EVI5: variants seen among roughly 807,000 people sequenced by gnomAD.
EVI5 encodes ecotropic viral integration site 5, also known as ecotropic viral integration site 5 protein homolog.
Under a neutral mutation model 112.0 loss-of-function variants are expected in EVI5, and 73 were observed. The observed-to-expected ratio is 0.65, with a 90% CI of 0.54 to 0.79. The LOEUF (loss-of-function observed/expected upper bound fraction) is 0.79, where lower values mean the gene tolerates loss of function less well. EVI5 is among the 30% of genes least tolerant of loss of function. The pLI is 0.00. For missense variants in EVI5, 900 were observed against 968.8 expected (o/e 0.93, Z 0.94); for synonymous variants, 305 against 319.9 (o/e 0.95, Z 0.50).
chr1:92,627,854 ATC>A (rs1444810578), intron 14 of EVI5, among the ~76,000 whole-genome samples: 1 of 152,006 alleles, frequency 6.6e-6, no homozygotes, highest in Non-Finnish European at 1.5e-5. Context: ...CAATGGCACA[ATC>A]TCGGCTCACT....
chr1:92,699,466 T>G (rs1306453334), intron 5 of EVI5, among the ~76,000 whole-genome samples: 1 of 152,202 alleles, frequency 6.6e-6, no homozygotes, highest in African/African-American at 2.4e-5. Context: ...CCCCTAAGAA[T>G]ATTTCAACAC....
chr1:92,520,409 C>T (rs1660708441), intron 19 of EVI5, among the ~76,000 whole-genome samples: 1 of 152,012 alleles, frequency 6.6e-6, no homozygotes, highest in Admixed American at 6.6e-5. Context: ...TAAATGTAAA[C>T]TAATGATGTA....
intron 13 of EVI5, among the ~76,000 whole-genome samples, chr1:92,660,695 T>G (rs192331392): frequency 1.3e-5 from 2 of 152,082 alleles, no homozygotes; most frequent in South Asian, 2.1e-4. Context: ...TGAATAGATA[T>G]GCTAAGTGAA....
At chr1:92,572,797 A>G (rs1248925496) in intron 18 of EVI5, among the ~76,000 whole-genome samples, 2 of 152,066 alleles carry the variant, frequency 1.3e-5, no homozygotes, top group African/African-American at 4.8e-5. Context: ...ATTATAGAGT[A>G]CAGCTTCTTA....
At chr1:92,517,884 GCTTT>G (rs1660183408) in intron 19 of EVI5, among the ~76,000 whole-genome samples, 1 of 132,452 alleles carries the variant, frequency 7.5e-6, no homozygotes, top group African/African-American at 2.9e-5. Context: ...AATATTATAT[GCTTT>G]TTTTTTTTTT....
At chr1:92,616,815 C>T (rs34231012) in intron 16 of EVI5, among the ~76,000 whole-genome samples, 29,918 of 152,038 alleles carry the variant, frequency 0.2, 3,500 homozygotes, top group Non-Finnish European at 0.26. Context: ...AGTCACCACG[C>T]GACCTGAACT....
At chr1:92,784,435 G>C (rs573927095) in intron 1 of EVI5, 3 of 985,234 alleles carry the variant, frequency 3.0e-6, no homozygotes, top group Admixed American at 6.1e-5. Context: ...TGCAAGTCAG[G>C]GGGGCGAGTG....
intron 18 of EVI5, among the ~76,000 whole-genome samples, chr1:92,566,777 T>TA (rs1329934158): frequency 6.7e-6 from 1 of 150,242 alleles, no homozygotes; most frequent in African/African-American, 2.4e-5. Context: ...TGACCCTATG[T>TA]AAGCAGAGAA....
rs1659135052 is a variant in EVI5 at position 92,510,678 on chromosome 1, G to A, written c.*2978C>T. 6.6e-6 allele frequency: 1 copy of A among 152,218 alleles called. No individual in the cohort carries two copies. Among genetic ancestry groups the A allele is most frequent in the African/African-American group, 2.4e-5 (1 of 41,464 alleles). The allele number at this position is 152,218 out of a possible 1,614,324, so 9.4% of individuals were successfully genotyped here. ...CTTGCAATGACTCAACTCTGCTACT[G>A]TAGCACAAAGCGGCCATACACAATA... On this transcript the variant is annotated 3_prime_UTR_variant, in exon 20 of 20. Transcript: ENST00000684568.
chr1:92,709,629 C>T (rs1672532696), intron 2 of EVI5, among the ~76,000 whole-genome samples: 1 of 152,084 alleles, frequency 6.6e-6, no homozygotes, highest in Non-Finnish European at 1.5e-5. Flanking sequence ...ATGAAGAAGT[C>T]TTTCTCTGTG....
At chr1:92,732,062 G>A (rs1676571383) in intron 2 of EVI5, 1 of 157,018 alleles carries the variant, frequency 6.4e-6, no homozygotes, top group Non-Finnish European at 1.4e-5. Context: ...AGCACTGCCA[G>A]ATTTTCTTTC....
At chr1:92,750,859 CAT>C (rs147468298) in intron 1 of EVI5, among the ~76,000 whole-genome samples, 3,824 of 152,290 alleles carry the variant, frequency 0.025, 72 homozygotes, top group Non-Finnish European at 0.041. Context: ...GTAATTAAAA[CAT>C]ATTTTTGGGC....
chr1:92,657,851 G>A (rs1196218661), intron 13 of EVI5, among the ~76,000 whole-genome samples: 1 of 152,188 alleles, frequency 6.6e-6, no homozygotes, highest in Non-Finnish European at 1.5e-5. Context: ...GCAGGAGCAG[G>A]TATGTCACAC....
At chr1:92,785,925 C>CA (rs36097015), upstream of EVI5, among the ~76,000 whole-genome samples, 10,357 of 142,230 alleles carry the variant, frequency 0.073, 450 homozygotes, top group Non-Finnish European at 0.1. Context: ...ACTAAAAATA[C>CA]AAAAAAAAAA....
At chr1:92,566,114 T>C (rs368383004) in intron 18 of EVI5, among the ~76,000 whole-genome samples, 20 of 152,234 alleles carry the variant, frequency 1.3e-4, no homozygotes, top group Admixed American at 1.1e-3. Flanking sequence ...TTCATCGACT[T>C]ATTCCTAAAA....
intron 13 of EVI5, among the ~76,000 whole-genome samples, chr1:92,654,769 A>C (rs534987646): frequency 1.3e-5 from 2 of 152,298 alleles, no homozygotes; most frequent in South Asian, 4.1e-4. Context: ...ATGAAAATCA[A>C]CACCAAGAAA....
chr1:92,662,930 G>A, intron 12 of EVI5, 65 bp from the exon 13 acceptor site: 1 of 858,460 alleles, frequency 1.2e-6, no homozygotes, highest in Non-Finnish European at 1.5e-6. Flanking sequence ...CTGCCTTTGT[G>A]AGGTTTAGTT....
At chr1:92,774,163 T>C (rs886829235) in intron 1 of EVI5, 2 of 152,206 alleles carry the variant, frequency 1.3e-5, no homozygotes, top group Admixed American at 6.6e-5. Context: ...AGACATTACA[T>C]TATTCATGAC....
intron 6 of EVI5, among the ~76,000 whole-genome samples, chr1:92,695,868 A>C (rs1670240928): frequency 1.3e-5 from 2 of 152,208 alleles, no homozygotes. Flanking sequence ...ACCTTCCTAA[A>C]GAATAGGAAA....
Sources: allele counts gnomAD v4.1 joint callset (sites outside exome capture counted in the v4.1 genomes callset), GRCh38; gene constraint gnomAD v4.1.1; transcripts MANE v1.5; gene names NCBI Gene and HGNC (gene_info 2026-07-23, HGNC 2026-07-21).